The following SYNE1 variants were observed in gnomAD, a reference collection of about 807,000 sequenced individuals.
The protein encoded by SYNE1 is nesprin-1.
A neutral mutation model predicts 1,111.0 loss-of-function variants in SYNE1; 616 were observed. The observed-to-expected ratio is 0.55, with a 90% CI of 0.52 to 0.59. SYNE1 has a LOEUF of 0.59. Among genes scored for constraint, SYNE1 ranks in the 20% least tolerant of loss-of-function variants. The pLI is 0.00. For synonymous variants in SYNE1, 3,855 were observed against 3,825.8 expected (o/e 1.01, Z -0.28); for missense variants, 10,006 against 10,417.0 (o/e 0.96, Z 1.72).
At chr6:152,490,364 C>T (rs1282663665) in intron 11 of SYNE1, among the ~76,000 whole-genome samples, 1 of 152,058 alleles carries the variant, frequency 6.6e-6, no homozygotes, top group Admixed American at 6.6e-5. Context: ...CCCAAGTCTG[C>T]ACGTATATAT....
At chr6:152,517,419 A>G (rs1227381151) in intron 6 of SYNE1, among the ~76,000 whole-genome samples, 4 of 152,240 alleles carry the variant, frequency 2.6e-5, no homozygotes, top group Admixed American at 2.0e-4. Flanking sequence ...GGAGGGAAAT[A>G]TGGTAATATC....
chr6:152,191,981 C>A (rs865933884), intron 127 of SYNE1, among the ~76,000 whole-genome samples: 1 of 151,960 alleles, frequency 6.6e-6, no homozygotes, highest in East Asian at 1.9e-4. Context: ...TTTCTATTTC[C>A]TTTTTAACCT....
At chr6:152,223,863 G>C (rs575312332) in intron 117 of SYNE1, among the ~76,000 whole-genome samples, 14 of 152,356 alleles carry the variant, frequency 9.2e-5, no homozygotes, top group Admixed American at 2.6e-4. Flanking sequence ...ACAGGTGAGA[G>C]TGGCCCGGTG....
chr6:152,310,625 G>T, intron 88 of SYNE1, 63 bp downstream of exon 88: 1 of 1,607,736 alleles, frequency 6.2e-7, no homozygotes, highest in Non-Finnish European at 8.5e-7. Flanking sequence ...TTCCATAGTG[G>T]CATTGCCATT....
intron 95 of SYNE1, among the ~76,000 whole-genome samples, chr6:152,284,832 C>T (rs2153734847): frequency 6.6e-6 from 1 of 152,048 alleles, no homozygotes; most frequent in South Asian, 2.1e-4. Flanking sequence ...TAACCTGTTG[C>T]TTTCCCCAAA....
Position 152,221,511 on chromosome 6 carries a change from C to T in SYNE1, c.21571G>A (p.Gly7191Ser), listed in dbSNP as rs779182237. ...TTTAATAATTGGTTGGTGATAGAGC[C>T]AAATTTCTGTAAGCTCCTTTCCTGT... ...EKQERSLQKF[G>S]SITNQLLKEC... Residue 7191 changes from glycine to serine, a missense_variant, in exon 118 of 146, where the codon GGC becomes AGC. Gly to Ser is a moderately conservative substitution (Grantham distance 56). This residue lies in a region of SYNE1 where 2,182 missense variants were observed against 2,287.8 expected (regional missense o/e 0.95). Coordinates refer to ENST00000367255, the MANE Select transcript of SYNE1 (RefSeq NM_182961.4). 6.2e-7 allele frequency: 1 copy of T among 1,613,808 alleles called. No homozygotes were observed. Among genetic ancestry groups the T allele is most frequent in the Non-Finnish European group, 8.5e-7 (1 of 1,179,926 alleles).
Position 152,318,213 on chromosome 6 carries a change from A to T in SYNE1, c.16440T>A (p.Asp5480Glu). The change falls in exon 86 of 146, where the codon GAT becomes GAA. Residue 5480 changes from aspartate to glutamate, a missense_variant. Around this residue, in one of 7 missense-constraint regions of SYNE1, gnomAD observed 4,955 missense variants for 5,017.2 expected, o/e 0.99. Coordinates refer to ENST00000367255, the MANE Select transcript of SYNE1 (RefSeq NM_182961.4). ...DGCNSKLMEL[D>E]AAVQKFLEQN... ...GTTCCAAGAATTTCTGTACTGCTGC[A>T]TCTAATTCCATTAACTTTGAATTAC... 1 of 1,614,188 alleles carries T rather than the reference A, an allele frequency of 6.2e-7. No individual in the cohort carries two copies. Among genetic ancestry groups the T allele is most frequent in the Non-Finnish European group, 8.5e-7 (1 of 1,180,040 alleles).
At chr6:152,534,629 G>T (rs1173642528) in intron 4 of SYNE1, among the ~76,000 whole-genome samples, 1 of 138,230 alleles carries the variant, frequency 7.2e-6, no homozygotes, top group Non-Finnish European at 1.7e-5. Flanking sequence ...AAAATTATTT[G>T]GGGGGGTGAA....
chr6:152,384,136 A>C (rs1290042501), intron 55 of SYNE1, among the ~76,000 whole-genome samples: 1 of 152,192 alleles, frequency 6.6e-6, no homozygotes, highest in East Asian at 1.9e-4. Flanking sequence ...TACTATTTTC[A>C]TGTATGTATT....
Position 152,358,527 on chromosome 6 carries a change from G to A in SYNE1, c.10454C>T (p.Thr3485Ile). Residue 3485 changes from threonine (T) to isoleucine (I), a missense_variant, in exon 66 of 146, where the codon ACC (threonine) becomes ATC (isoleucine). Thr to Ile is a moderately conservative substitution (Grantham distance 89). Transcript: ENST00000367255. Reference sequence around the variant, plus strand: ...CAGGCGGACAAGTTTTTCAGACTTGGTTACGGCTTCCTATAATTAGCATTT... The same window carrying A: ...CAGGCGGACAAGTTTTTCAGACTTGATTACGGCTTCCTATAATTAGCATTT... ...AIQERAKEAV[T>I]KSEKLVRLHQ... is the part of the protein sequence containing the mutation. 6.2e-7 allele frequency: 1 copy of A among 1,614,094 alleles called. No homozygotes were observed. The highest frequency in any genetic ancestry group is 8.5e-7 in the Non-Finnish European group (1 of 1,180,012).
At chr6:152,435,109 T>A (rs2098461407) in intron 33 of SYNE1, 1 of 152,154 alleles carries the variant, frequency 6.6e-6, no homozygotes. Context: ...TATCAAATTT[T>A]AAAGTTTAGG....
At chr6:152,132,633 C>T (rs1010119312) in intron 143 of SYNE1, among the ~76,000 whole-genome samples, 8 of 152,208 alleles carry the variant, frequency 5.3e-5, no homozygotes, top group Admixed American at 5.2e-4. Context: ...TGCCTTTTTG[C>T]ATTAGAGGAC....
chr6:152,240,807 A>T lies in SYNE1; in HGVS notation c.19894-1101T>A, dbSNP rs374758373. ...CCAAGGTCACATAGCTAGTCACGGC[A>T]GAGCTTGGGGTTCAAACCCAAGGGC... On this transcript the variant is annotated intron_variant, in intron 107 of 145. Transcript: ENST00000367255. Among the ~76,000 whole-genome samples the T allele has an allele frequency of 2.0e-5, 3 of 152,356 alleles. No individual in the cohort carries two copies. The South Asian group carries it at 6.2e-4, about 32-fold the overall frequency.
At chr6:152,233,658 G>A in intron 112 of SYNE1, 123 bp downstream of exon 112, 3 of 1,212,844 alleles carry the variant, frequency 2.5e-6, no homozygotes, top group Non-Finnish European at 3.5e-6. Flanking sequence ...CAACGGGAGA[G>A]AGAAGAGGCC....
At chr6:152,582,001 C>G (rs2099521429) in intron 3 of SYNE1, among the ~76,000 whole-genome samples, 1 of 152,008 alleles carries the variant, frequency 6.6e-6, no homozygotes, top group South Asian at 2.1e-4. Flanking sequence ...TCCCAGTACT[C>G]AAAACTTTTT....
chr6:152,130,917 G>A (rs957162409), intron 144 of SYNE1, 139 bp from the exon 145 acceptor site: 7 of 791,306 alleles, frequency 8.8e-6, no homozygotes, highest in Non-Finnish European at 1.4e-5. Flanking sequence ...CATGAATTAA[G>A]GAAACTGGCT....
chr6:152,373,268 T>C (rs372558823), intron 58 of SYNE1, 49 bp from the exon 59 acceptor site: 35 of 1,525,010 alleles, frequency 2.3e-5, no homozygotes, highest in East Asian at 9.2e-5. Context: ...TTGTGTGTTG[T>C]TTCTATTTTT....
intron 4 of SYNE1, among the ~76,000 whole-genome samples, chr6:152,527,917 A>G (rs1477140613): frequency 6.6e-6 from 1 of 151,828 alleles, no homozygotes. Context: ...CTCTGTTGCT[A>G]CTCATGCTGC....
In SYNE1 at chr6:152,438,515, A is replaced by C. The variant is rs78881728; in HGVS notation, c.4150-2414T>G. Among the ~76,000 whole-genome samples the C allele has an allele frequency of 5.2e-3, 786 of 152,326 alleles. 11 individuals carry two copies. The highest frequency in any genetic ancestry group is 0.018 in the African/African-American group (746 of 41,560). ...TCTCTAACTTCTTAGAAAACATATG[A>C]GTGGCAGGCAGCAGGATGCATCAGG... On this transcript the variant is annotated intron_variant, in intron 32 of 145. Coordinates refer to ENST00000367255, the MANE Select transcript of SYNE1 (RefSeq NM_182961.4).
Sources: gnomAD v4.1 joint callset for allele counts (sites outside exome capture counted in the v4.1 genomes callset) on GRCh38, gnomAD v4.1.1 for gene constraint, gnomAD v4.1.1 regional missense constraint, MANE v1.5 for transcripts, NCBI Gene and HGNC (gene_info 2026-07-23, HGNC 2026-07-21) for gene names.